GALK2: variants seen among roughly 807,000 people sequenced by gnomAD.
GALK2 encodes N-acetylgalactosamine kinase.
Under a neutral mutation model 52.4 loss-of-function variants are expected in GALK2, and 36 were observed. The observed-to-expected ratio is 0.69, with a 90% confidence interval of 0.53 to 0.91. GALK2 has a LOEUF of 0.91. Among genes scored for constraint, GALK2 ranks in the 40% least tolerant of loss-of-function variants. The pLI, the probability that GALK2 is intolerant of heterozygous loss-of-function variation, is 0.00. For missense variants in GALK2, 579 were observed against 559.1 expected, an observed-to-expected ratio of 1.04 and a Z score of -0.36; for synonymous variants, 176 against 199.1, an observed-to-expected ratio of 0.88 and a Z score of 0.98.
intron 1 of GALK2, among the ~76,000 whole-genome samples, chr15:49,157,045 A>C (rs991843909): frequency 6.6e-6 from 1 of 152,178 alleles, no homozygotes; most frequent in Non-Finnish European, 1.5e-5. Context: ...AATTTGGTTT[A>C]GGCATATTTC....
intron 3 of GALK2, among the ~76,000 whole-genome samples, chr15:49,360,748 A>T (rs2044080614): frequency 6.6e-6 from 1 of 152,214 alleles, no homozygotes; most frequent in African/African-American, 2.4e-5. Context: ...AAGATCATCC[A>T]AAAATTATAT....
chr15:49,278,777 T>C (rs1027774445), intron 5 of GALK2, among the ~76,000 whole-genome samples: 8 of 152,230 alleles, frequency 5.3e-5, no homozygotes, highest in African/African-American at 1.9e-4. Context: ...AGAGACCTAT[T>C]TTATAGGTGT....
At chr15:49,321,267 G>A (rs747826559) in intron 9 of GALK2, among the ~76,000 whole-genome samples, 10 of 152,150 alleles carry the variant, frequency 6.6e-5, no homozygotes, top group Non-Finnish European at 1.2e-4. Context: ...TGGATACTTG[G>A]CTGTCAGGTG....
intron 1 of GALK2, chr15:49,194,977 A>G (rs1255144600): frequency 2.7e-6 from 1 of 363,992 alleles, no homozygotes; most frequent in Non-Finnish European, 5.3e-6. Context: ...TGGGAGATTT[A>G]GTTGAATTTG....
chr15:49,354,933 CT>C (rs1351298438), intron 3 of GALK2, among the ~76,000 whole-genome samples: 6 of 152,156 alleles, frequency 3.9e-5, no homozygotes, highest in Admixed American at 1.3e-4. Flanking sequence ...TCCCTGACCC[CT>C]GACCCTCGAG....
At chr15:49,207,609 T>C (rs2088411646) in intron 2 of GALK2, among the ~76,000 whole-genome samples, 1 of 152,224 alleles carries the variant, frequency 6.6e-6, no homozygotes, top group Non-Finnish European at 1.5e-5. Flanking sequence ...AATTTATCCA[T>C]CTATTCTAGG....
chr15:49,366,085 T>G (rs1397676980), intron 3 of GALK2: 24 of 846,418 alleles, frequency 2.8e-5, no homozygotes, highest in Non-Finnish European at 4.6e-5. Flanking sequence ...CAGTTGTCAC[T>G]GCTTTCAAGT....
At chr15:49,298,543 T>C (rs2034685053) in intron 8 of GALK2, among the ~76,000 whole-genome samples, 1 of 152,194 alleles carries the variant, frequency 6.6e-6, no homozygotes, top group African/African-American at 2.4e-5. Flanking sequence ...ATGTTGACTG[T>C]GGGTTTGTTA....
intron 2 of GALK2, among the ~76,000 whole-genome samples, chr15:49,210,672 C>T (rs573107744): frequency 2.8e-4 from 43 of 152,114 alleles, no homozygotes; most frequent in African/African-American, 9.9e-4. Flanking sequence ...AACTCCTGAC[C>T]TCAGGTGATC....
chr15:49,194,331 A>AG (rs1330491399), intron 1 of GALK2: 28 of 152,260 alleles, frequency 1.8e-4, no homozygotes, highest in African/African-American at 6.7e-4. Context: ...TCTCAAAAAA[A>AG]AAAAATTTAC....
At chr15:49,190,480 T>G (rs769072893) in intron 1 of GALK2, among the ~76,000 whole-genome samples, 5 of 152,236 alleles carry the variant, frequency 3.3e-5, no homozygotes, top group Admixed American at 6.5e-5. Flanking sequence ...GTTCTGTCAT[T>G]AATTACTGAG....
At chr15:49,360,907 A>G (rs1240616508) in intron 3 of GALK2, among the ~76,000 whole-genome samples, 1 of 152,148 alleles carries the variant, frequency 6.6e-6, no homozygotes, top group African/African-American at 2.4e-5. Flanking sequence ...CTCTCCATAC[A>G]TACCTCCAGT....
At chr15:49,263,074 G>A (rs1461465225) in intron 5 of GALK2, among the ~76,000 whole-genome samples, 26 of 127,954 alleles carry the variant, frequency 2.0e-4, no homozygotes, top group African/African-American at 2.6e-4. Context: ...TTCTGTAGAT[G>A]TCTATTAGGT....
At chr15:49,292,257 C>A in intron 7 of GALK2, 70 bp from the exon 8 acceptor site, 1 of 1,364,788 alleles carries the variant, frequency 7.3e-7, no homozygotes, top group Non-Finnish European at 1.0e-6. Flanking sequence ...AACGTTGAAT[C>A]TGGCTAATTA....
At chr15:49,244,903 G>A (rs145518986) in intron 5 of GALK2, among the ~76,000 whole-genome samples, 2 of 152,122 alleles carry the variant, frequency 1.3e-5, no homozygotes, top group East Asian at 3.9e-4. Flanking sequence ...TGTGGAAAAT[G>A]GATTCAGAGT....
chr15:49,261,934 G>C (rs1393067610), intron 5 of GALK2, among the ~76,000 whole-genome samples: 1 of 152,084 alleles, frequency 6.6e-6, no homozygotes, highest in Non-Finnish European at 1.5e-5. Context: ...GATCATGGTG[G>C]GTAAGCTTTT....
intron 5 of GALK2, among the ~76,000 whole-genome samples, chr15:49,272,191 C>T (rs2141695542): frequency 6.6e-6 from 1 of 152,188 alleles, no homozygotes; most frequent in South Asian, 2.1e-4. Context: ...CCTCAATTTC[C>T]TTCTCTATGA....
At chr15:49,338,104 T>C (rs190907398) in intron 3 of GALK2, among the ~76,000 whole-genome samples, 277 of 152,366 alleles carry the variant, frequency 1.8e-3, no homozygotes, top group African/African-American at 6.4e-3. Context: ...TTGTGTCTTT[T>C]AATTGGGGGC....
At chr15:49,229,118 A>C (rs1426198384) in intron 3 of GALK2, among the ~76,000 whole-genome samples, 1 of 152,180 alleles carries the variant, frequency 6.6e-6, no homozygotes, top group African/African-American at 2.4e-5. Context: ...ATTTGCTTTT[A>C]TAGACAGTGA....
Sources: gnomAD v4.1 joint callset for allele counts (sites outside exome capture counted in the v4.1 genomes callset) on GRCh38, gnomAD v4.1.1 for gene constraint, MANE v1.5 for transcripts, NCBI Gene and HGNC (gene_info 2026-07-23, HGNC 2026-07-21) for gene names.